The following IL34 variants were observed in gnomAD, a reference collection of about 807,000 sequenced individuals.
IL34 encodes the protein interleukin-34.
A neutral mutation model predicts 25.3 loss-of-function variants in IL34; 17 were observed. The ratio of observed to expected loss-of-function variants is 0.67; its 90% confidence interval spans 0.46 to 1.01. The LOEUF is 1.01. Ranked by LOEUF, IL34 falls within the 50% of genes least tolerant of loss-of-function variation. The probability of loss-of-function intolerance (pLI) is 0.00; values close to 1 mark genes in which losing one functional copy is unlikely to be tolerated. For missense variants in IL34, 368 were observed against 312.9 expected (o/e 1.18, Z -1.33); for synonymous variants, 174 against 140.9 (o/e 1.23, Z -1.66).
intron 1 of IL34, among the ~76,000 whole-genome samples, chr16:70,623,408 G>C (rs970613965): frequency 4.6e-5 from 7 of 152,024 alleles, no homozygotes; most frequent in Non-Finnish European, 1.0e-4. Context: ...AACTTGTAAG[G>C]CTTGTCTGGT....
At chr16:70,640,738 T>A (rs992191124) in intron 1 of IL34, among the ~76,000 whole-genome samples, 2 of 152,186 alleles carry the variant, frequency 1.3e-5, no homozygotes, top group African/African-American at 2.4e-5. Flanking sequence ...TCATCCTCTT[T>A]AAGCATACGG....
intron 1 of IL34, among the ~76,000 whole-genome samples, chr16:70,594,955 C>CTT (rs113922793): frequency 1.4e-4 from 18 of 124,882 alleles, no homozygotes; most frequent in Non-Finnish European, 1.1e-4. Context: ...CTCTCTCTCT[C>CTT]TTTTTTTTTT....
At chr16:70,581,432 G>T (rs539457254) in intron 1 of IL34, among the ~76,000 whole-genome samples, 2 of 144,924 alleles carry the variant, frequency 1.4e-5, no homozygotes, top group African/African-American at 5.4e-5. Context: ...TGAAGTTATT[G>T]TTTTTTCCCC....
At chr16:70,628,982 G>T (rs2051459005) in intron 1 of IL34, among the ~76,000 whole-genome samples, 1 of 152,006 alleles carries the variant, frequency 6.6e-6, no homozygotes. Context: ...TATAGACAGG[G>T]TCTTGGTATG....
At chr16:70,654,995 AC>A (rs1039278376) in intron 2 of IL34, among the ~76,000 whole-genome samples, 1 of 151,962 alleles carries the variant, frequency 6.6e-6, no homozygotes, top group African/African-American at 2.4e-5. Flanking sequence ...GGAGCTAAAG[AC>A]CTAGAAATCG....
At chr16:70,585,265 T>A (rs140188913) in intron 1 of IL34, among the ~76,000 whole-genome samples, 51 of 152,182 alleles carry the variant, frequency 3.4e-4, no homozygotes, top group African/African-American at 1.2e-3. Flanking sequence ...CCTCAAGGAG[T>A]CTTGCTCTGT....
chr16:70,628,786 CTTTTTTTTTTT>C (rs71387533), intron 1 of IL34, among the ~76,000 whole-genome samples: 1 of 115,174 alleles, frequency 8.7e-6, no homozygotes, highest in African/African-American at 3.3e-5. Flanking sequence ...CACACCTGGT[CTTTTTTTTTTT>C]TTTTTTTTTG....
intron 4 of IL34, among the ~76,000 whole-genome samples, chr16:70,657,887 G>A (rs1171068906): frequency 1.3e-5 from 2 of 152,196 alleles, no homozygotes; most frequent in South Asian, 2.1e-4. Context: ...GAGCCCTAAT[G>A]TAAATTATGG....
intron 1 of IL34, among the ~76,000 whole-genome samples, chr16:70,636,195 C>A (rs145793241): frequency 6.6e-6 from 1 of 151,920 alleles, no homozygotes. Flanking sequence ...TGTGCCACCA[C>A]GCCCAGCTAA....
At chr16:70,601,899 G>A (rs985898313) in intron 1 of IL34, among the ~76,000 whole-genome samples, 3 of 152,230 alleles carry the variant, frequency 2.0e-5, no homozygotes, top group African/African-American at 7.2e-5. Context: ...CCCAGCCCGA[G>A]CCCAGACAGA....
intron 1 of IL34, among the ~76,000 whole-genome samples, chr16:70,630,631 C>T (rs941265876): frequency 6.7e-6 from 1 of 150,192 alleles, no homozygotes; most frequent in Admixed American, 6.7e-5. Flanking sequence ...CAGGCATGAT[C>T]AGTGCAATCA....
chr16:70,631,799 G>C (rs1231424849), intron 1 of IL34, among the ~76,000 whole-genome samples: 1 of 152,148 alleles, frequency 6.6e-6, no homozygotes, highest in East Asian at 1.9e-4. Flanking sequence ...GCTTACTGTT[G>C]TGTGTAACCT....
intron 1 of IL34, among the ~76,000 whole-genome samples, chr16:70,597,287 C>T (rs1217203927): frequency 6.6e-6 from 1 of 151,900 alleles, no homozygotes; most frequent in Non-Finnish European, 1.5e-5. Flanking sequence ...GTGGCACGAT[C>T]ATGGCTCCCT....
At chr16:70,598,856 A>G (rs1463598733) in intron 1 of IL34, among the ~76,000 whole-genome samples, 1 of 152,212 alleles carries the variant, frequency 6.6e-6, no homozygotes, top group Non-Finnish European at 1.5e-5. Flanking sequence ...AGACTGCTCT[A>G]AGGCAGTGTT....
intron 1 of IL34, among the ~76,000 whole-genome samples, chr16:70,615,746 G>A (rs2151831483): frequency 6.6e-6 from 1 of 152,210 alleles, no homozygotes. Context: ...GAGCTTAGGA[G>A]TTTGAAACCA....
At chr16:70,605,152 T>A in intron 1 of IL34, among the ~76,000 whole-genome samples, 1 of 151,510 alleles carries the variant, frequency 6.6e-6, no homozygotes, top group East Asian at 1.9e-4. Flanking sequence ...AGATCCTGGG[T>A]CTGTGGAGCA....
chr16:70,587,925 G>T (rs565754526), intron 1 of IL34, among the ~76,000 whole-genome samples: 1 of 152,116 alleles, frequency 6.6e-6, no homozygotes, highest in Non-Finnish European at 1.5e-5. Context: ...TGTAGTCCCA[G>T]TTACTCAGGA....
chr16:70,622,430 G>A (rs1023390506), intron 1 of IL34, among the ~76,000 whole-genome samples: 3 of 150,704 alleles, frequency 2.0e-5, no homozygotes, highest in African/African-American at 7.3e-5. Flanking sequence ...ATTTCCTTGA[G>A]GATAGATTTC....
intron 1 of IL34, among the ~76,000 whole-genome samples, chr16:70,609,638 T>C (rs1567443250): frequency 6.6e-6 from 1 of 152,248 alleles, no homozygotes; most frequent in East Asian, 1.9e-4. Flanking sequence ...CAGAGACAGG[T>C]GCACTGAGGC....
Sources: allele counts gnomAD v4.1 joint callset (sites outside exome capture counted in the v4.1 genomes callset), GRCh38; gene constraint gnomAD v4.1.1; transcripts MANE v1.5; gene names NCBI Gene and HGNC (gene_info 2026-07-23, HGNC 2026-07-21).